The following DOCK10 variants were observed in gnomAD, a reference collection of about 807,000 sequenced individuals.
DOCK10 encodes the protein dedicator of cytokinesis 10.
DOCK10 carries 145 observed loss-of-function variants against 280.1 expected under a neutral mutation model. That is an observed-to-expected ratio of 0.52 (90% confidence interval 0.45 to 0.59). The LOEUF (loss-of-function observed/expected upper bound fraction) is 0.59, where lower values mean the gene tolerates loss of function less well. Ranked by LOEUF, DOCK10 falls within the 20% of genes least tolerant of loss-of-function variation. The pLI is 0.00. For synonymous variants in DOCK10, 915 were observed against 942.2 expected, an observed-to-expected ratio of 0.97 and a Z score of 0.53; for missense variants, 2,368 against 2,651.7, an observed-to-expected ratio of 0.89 and a Z score of 2.35.
At chr2:224,825,935 C>A (rs775320326) in intron 27 of DOCK10, among the ~76,000 whole-genome samples, 1 of 152,084 alleles carries the variant, frequency 6.6e-6, no homozygotes, top group Admixed American at 6.6e-5. Flanking sequence ...GAACTGTAGG[C>A]TTTTGGGAGT....
At chr2:224,882,266 C>T (rs921089521) in intron 7 of DOCK10, among the ~76,000 whole-genome samples, 2 of 152,098 alleles carry the variant, frequency 1.3e-5, no homozygotes, top group Non-Finnish European at 2.9e-5. Flanking sequence ...TAACACAGGC[C>T]TAAATATCTC....
Position 225,042,146 on chromosome 2 carries a change from G to A in DOCK10, c.123+106C>T, listed in dbSNP as rs568941146. 17 of 1,170,238 alleles carry A rather than the reference G, an allele frequency of 1.5e-5. No individual in the cohort carries two copies. Among genetic ancestry groups the A allele is most frequent in the East Asian group, 6.9e-5 (2 of 29,108 alleles). 72.5% of individuals were successfully genotyped at this position (1,170,238 alleles called of 1,614,324 possible). On this transcript the variant is annotated intron_variant, in intron 1 of 55. Transcript: ENST00000258390. This position sits in a 1 kb window ranked among gnomAD's most constrained non-coding sequence, Gnocchi z 5.1. Reference sequence around the variant, plus strand: ...GGAGGGAGTGCGGAGGAGAGGACCCGTGAGCTGCGGGGACCTGGGCCCGCC... The same window carrying A: ...GGAGGGAGTGCGGAGGAGAGGACCCATGAGCTGCGGGGACCTGGGCCCGCC...
chr2:224,917,738 A>T (rs1345657744), intron 2 of DOCK10, among the ~76,000 whole-genome samples: 4 of 152,254 alleles, frequency 2.6e-5, no homozygotes, highest in African/African-American at 9.6e-5. Context: ...AAAACAAAAC[A>T]TCACAAACAG....
At position 224,796,515 on chromosome 2, in the gene DOCK10, G is replaced by A. The variant is rs1378193683; in HGVS notation, c.4828-89C>T. ...ACTGGGCTGGGTAAATGTATTATTA[G>A]TTTCTCCCTGTAGGTCCAATAAAAG... On this transcript the variant is annotated intron_variant, in intron 43 of 55. Coordinates refer to ENST00000258390, the MANE Select transcript of DOCK10 (RefSeq NM_014689.3). 85 of 763,792 alleles carry A rather than the reference G, an allele frequency of 1.1e-4. No individual in the cohort carries two copies. The East Asian group carries it at 2.3e-3, about 20-fold the overall frequency. 47.3% of individuals were successfully genotyped at this position (763,792 alleles called of 1,614,324 possible).
At position 224,770,889 on chromosome 2, in the gene DOCK10, T is replaced by A. The variant is rs533684250; in HGVS notation, c.6205-244A>T. ...CAGTCCTTTGCCAACCCCTTCACAT[T>A]TTTTTTTTTTGTCATATCTGTACGT... On this transcript the variant is annotated intron_variant, in intron 53 of 55. Transcript: ENST00000258390. This position sits in a 1 kb window ranked among gnomAD's most constrained non-coding sequence, Gnocchi z 4.5. Among the ~76,000 whole-genome samples, 1 of 139,154 alleles carries A rather than the reference T, an allele frequency of 7.2e-6. No homozygotes were observed. The highest frequency in any genetic ancestry group is 1.5e-5 in the Non-Finnish European group (1 of 66,138). 91.3% of individuals were successfully genotyped at this position (139,154 alleles called of 152,430 possible).
chr2:225,040,832 T>A (rs1690400105), intron 1 of DOCK10, among the ~76,000 whole-genome samples: 1 of 152,236 alleles, frequency 6.6e-6, no homozygotes, highest in Non-Finnish European at 1.5e-5. Context: ...TTATCTCTAC[T>A]TTTACTCGAA....
intron 50 of DOCK10, chr2:224,784,809 C>T (rs916934708): frequency 1.6e-6 from 2 of 1,263,430 alleles, no homozygotes; most frequent in East Asian, 5.6e-5. Context: ...TGAAAAGCAG[C>T]GTGATTCACT....
At position 225,014,092 on chromosome 2, in the gene DOCK10, T is replaced by A. The variant is rs1360256103; in HGVS notation, c.123+28160A>T. On this transcript the variant is annotated intron_variant, in intron 1 of 55. Coordinates refer to ENST00000258390, the MANE Select transcript of DOCK10 (RefSeq NM_014689.3). The stretch of plus-strand genomic sequence containing the variant: ...AGAAGTCTGAATATATTGTTTTTTT[T>A]TTTTTGTTTTTTTTTTTAAGAAATA... Among the ~76,000 whole-genome samples, 43 of 111,298 alleles carry A rather than the reference T, an allele frequency of 3.9e-4. 1 individual carries two copies. The highest frequency in any genetic ancestry group is 1.2e-3 in the African/African-American group (36 of 29,112). The allele number at this position is 111,298 out of a possible 152,430, so 73.0% of individuals were successfully genotyped here.
chr2:224,782,978 G>A (rs191061029), intron 50 of DOCK10, among the ~76,000 whole-genome samples: 290 of 152,242 alleles, frequency 1.9e-3, no homozygotes, highest in Middle Eastern at 6.8e-3. Context: ...GTACACGTTC[G>A]GGGGAATGCT....
chr2:224,823,421 G>A, intron 28 of DOCK10, 80 bp downstream of exon 28: 1 of 1,240,556 alleles, frequency 8.1e-7, no homozygotes, highest in Non-Finnish European at 1.1e-6. Flanking sequence ...ACATGAAGAT[G>A]TGAACTGATG....
chr2:224,995,501 T>A (rs1205376018), intron 1 of DOCK10, among the ~76,000 whole-genome samples: 1 of 152,240 alleles, frequency 6.6e-6, no homozygotes, highest in Non-Finnish European at 1.5e-5. Context: ...CTTGTAGTTG[T>A]TTCTGGGTCT....
intron 1 of DOCK10, among the ~76,000 whole-genome samples, chr2:225,011,816 C>A (rs1269840643): frequency 6.6e-6 from 1 of 152,124 alleles, no homozygotes; most frequent in Non-Finnish European, 1.5e-5. Context: ...AACGGTCTAG[C>A]TGCCCTTAGC....
intron 28 of DOCK10, among the ~76,000 whole-genome samples, chr2:224,820,350 C>A (rs1694428676): frequency 6.6e-6 from 1 of 152,256 alleles, no homozygotes; most frequent in African/African-American, 2.4e-5. Flanking sequence ...CGGCCAAAGA[C>A]TGCACAGGCA....
rs1691629066 is a variant in DOCK10, at chr2:224,784,889, A to G, written c.5655+2133T>C. The G allele has an allele frequency of 1.6e-5, 11 of 679,036 alleles. No individual in the cohort carries two copies. In the South Asian group the frequency reaches 1.7e-4, roughly 10 times the overall value. The allele number at this position is 679,036 out of a possible 1,614,324, so 42.1% of individuals were successfully genotyped here. ...CCATCTGGTAGGCAATCCTGTTTTC[A>G]TGATCAGGTTATTAACGGGGTTTTT... On this transcript the variant is annotated intron_variant, in intron 50 of 55. Transcript: ENST00000258390.
chr2:224,936,455 C>T (rs1702700021), intron 1 of DOCK10, among the ~76,000 whole-genome samples: 1 of 152,000 alleles, frequency 6.6e-6, no homozygotes, highest in Non-Finnish European at 1.5e-5. Flanking sequence ...CCAGAATACC[C>T]ATATGTCTAA....
chr2:224,871,430 G>C (rs944747568), intron 11 of DOCK10, among the ~76,000 whole-genome samples: 1 of 152,102 alleles, frequency 6.6e-6, no homozygotes, highest in Non-Finnish European at 1.5e-5. Context: ...GCCAGCCCTT[G>C]TTCAAGCCAT....
chr2:225,017,693 T>G (rs556234316), intron 1 of DOCK10, among the ~76,000 whole-genome samples: 12 of 126,650 alleles, frequency 9.5e-5, no homozygotes, highest in African/African-American at 3.6e-4. Flanking sequence ...ACTGAAGATA[T>G]GCCTACTGTT....
chr2:224,908,409 C>A (rs1700799788), intron 3 of DOCK10, among the ~76,000 whole-genome samples: 1 of 109,768 alleles, frequency 9.1e-6, no homozygotes, highest in African/African-American at 4.0e-5. Flanking sequence ...ACATAATCAT[C>A]ATCGTTTGTG....
chr2:224,961,277 A>T (rs939836967), intron 1 of DOCK10, among the ~76,000 whole-genome samples: 1 of 152,206 alleles, frequency 6.6e-6, no homozygotes, highest in South Asian at 2.1e-4. Flanking sequence ...CGTTGAACAA[A>T]GCTAAACTGA....
Sources: gnomAD v4.1 joint callset for allele counts (sites outside exome capture counted in the v4.1 genomes callset) on GRCh38, gnomAD v4.1.1 for gene constraint, Gnocchi (gnomAD v3.1) non-coding constraint, MANE v1.5 for transcripts, NCBI Gene and HGNC (gene_info 2026-07-23, HGNC 2026-07-21) for gene names.